Variants in PPP2R3A observed in about 807,000 individuals in gnomAD.
PPP2R3A encodes the protein protein phosphatase 2 regulatory subunit B''alpha.
PPP2R3A carries 80 observed loss-of-function variants against 106.9 expected under a neutral mutation model. The ratio of observed to expected loss-of-function variants is 0.75; its 90% confidence interval spans 0.62 to 0.90. The LOEUF (loss-of-function observed/expected upper bound fraction) is 0.90, where lower values mean the gene tolerates loss of function less well. Among genes scored for constraint, PPP2R3A ranks in the 40% least tolerant of loss-of-function variants. PPP2R3A has a pLI of 0.00. For synonymous variants in PPP2R3A, 483 were observed against 468.3 expected (o/e 1.03, Z -0.41); for missense variants, 1,386 against 1,350.4 (o/e 1.03, Z -0.41).
chr3:136,051,082 T>G (rs1194716843), intron 5 of PPP2R3A, among the ~76,000 whole-genome samples: 1 of 152,224 alleles, frequency 6.6e-6, no homozygotes, highest in African/African-American at 2.4e-5. Context: ...TACTATAGCA[T>G]TCTTCATAGC....
intron 13 of PPP2R3A, among the ~76,000 whole-genome samples, chr3:136,143,888 T>C (rs974796980): frequency 2.0e-5 from 3 of 152,200 alleles, no homozygotes; most frequent in Non-Finnish European, 4.4e-5. Flanking sequence ...TTGGCCCCAA[T>C]TGGTACCTTT....
chr3:136,039,278 T>C (rs962242269), intron 3 of PPP2R3A, among the ~76,000 whole-genome samples: 1 of 152,220 alleles, frequency 6.6e-6, no homozygotes, highest in African/African-American at 2.4e-5. Flanking sequence ...TAATAACATA[T>C]TTATCTCATA....
intron 6 of PPP2R3A, among the ~76,000 whole-genome samples, chr3:136,077,497 AC>A (rs200210870): frequency 1.4e-4 from 7 of 50,540 alleles, no homozygotes; most frequent in Non-Finnish European, 1.6e-4. Flanking sequence ...AGCAGAATGC[AC>A]CCCCCCACCC....
At position 135,992,948 on chromosome 3, in the gene PPP2R3A, A is replaced by G. The variant is rs368108656; in HGVS notation, c.-440-8111A>G. On this transcript the variant is annotated intron_variant, in intron 1 of 13. Coordinates refer to ENST00000264977, the MANE Select transcript of PPP2R3A (RefSeq NM_002718.5). ...AGGGCAGGTGGAGAACCAGCCAAAT[A>G]TGTCCCAGGAGTCAAGTGAGGGAAG... 7.9e-5 allele frequency among the ~76,000 whole-genome samples: 12 copies of G among 152,318 alleles called. No individual in the cohort carries two copies. The East Asian group carries it at 1.7e-3, about 22-fold the overall frequency.
At chr3:136,090,741 A>G in intron 10 of PPP2R3A, 74 bp downstream of exon 10, 1 of 1,236,232 alleles carries the variant, frequency 8.1e-7, no homozygotes, top group Non-Finnish European at 1.2e-6. Context: ...GGTGTATATT[A>G]TACCTAGTGA....
chr3:136,099,932 A>G (rs915383417), intron 10 of PPP2R3A, among the ~76,000 whole-genome samples: 4 of 151,816 alleles, frequency 2.6e-5, no homozygotes, highest in East Asian at 3.9e-4. Flanking sequence ...AAAAAAAAAA[A>G]AGAGAAGGAG....
intron 13 of PPP2R3A, among the ~76,000 whole-genome samples, chr3:136,117,670 C>A (rs1274238394): frequency 6.6e-6 from 1 of 152,182 alleles, no homozygotes; most frequent in Non-Finnish European, 1.5e-5. Flanking sequence ...CCTCCCAAGT[C>A]TAAACCAGGA....
At chr3:136,063,198 T>G (rs1936141151) in intron 5 of PPP2R3A, among the ~76,000 whole-genome samples, 1 of 152,188 alleles carries the variant, frequency 6.6e-6, no homozygotes, top group African/African-American at 2.4e-5. Context: ...TAAATGGTGC[T>G]GGGAAAACTG....
At chr3:136,101,856 G>A in intron 10 of PPP2R3A, 151 bp from the exon 11 acceptor site, 1 of 851,980 alleles carries the variant, frequency 1.2e-6, no homozygotes, top group Non-Finnish European at 1.7e-6. Flanking sequence ...GGAAGAAGGG[G>A]TCCGCCATTT....
At chr3:135,971,541 A>T (rs1317707911) in intron 1 of PPP2R3A, among the ~76,000 whole-genome samples, 1 of 152,214 alleles carries the variant, frequency 6.6e-6, no homozygotes, top group Non-Finnish European at 1.5e-5. Context: ...TTGGTTAAGA[A>T]TGGTTTTGAT....
intron 5 of PPP2R3A, among the ~76,000 whole-genome samples, chr3:136,061,521 G>A (rs187713042): frequency 3.9e-5 from 6 of 152,236 alleles, no homozygotes; most frequent in South Asian, 2.1e-4. Context: ...CCAGCTAATC[G>A]GGAGGCTGAG....
At chr3:136,129,730 G>A (rs2108014837) in intron 13 of PPP2R3A, among the ~76,000 whole-genome samples, 1 of 152,226 alleles carries the variant, frequency 6.6e-6, no homozygotes, top group East Asian at 1.9e-4. Context: ...AGAATTTCCG[G>A]CCAGTATCCC....
intron 4 of PPP2R3A, among the ~76,000 whole-genome samples, chr3:136,048,601 G>T (rs932610294): frequency 1.3e-5 from 2 of 152,046 alleles, no homozygotes; most frequent in Non-Finnish European, 2.9e-5. Flanking sequence ...GAACCCAGGA[G>T]GTGGAGGCTG....
intron 3 of PPP2R3A, among the ~76,000 whole-genome samples, chr3:136,031,972 G>T (rs1934906645): frequency 6.6e-6 from 1 of 152,148 alleles, no homozygotes; most frequent in African/African-American, 2.4e-5. Context: ...GCTTAGTCTT[G>T]CGTTGGCCAT....
rs930955784 is a variant in PPP2R3A at position 135,977,803 on chromosome 3, G to A, written c.-441+11954G>A. Among the ~76,000 whole-genome samples the A allele has an allele frequency of 3.4e-5, 5 of 145,982 alleles. No individual in the cohort carries two copies. In the East Asian group the frequency reaches 8.2e-4, roughly 24 times the overall value. On this transcript the variant is annotated intron_variant, in intron 1 of 13. Transcript: ENST00000264977. ...CGACCTCCGCTTCCCGGGCTCAAGCGATTCTCCAGCCTCGGTCTCCCGAGT... is the reference window on the plus strand; with the variant it reads ...CGACCTCCGCTTCCCGGGCTCAAGCAATTCTCCAGCCTCGGTCTCCCGAGT...
In PPP2R3A at chr3:136,067,529, A is replaced by G. The variant is rs575456227; in HGVS notation, c.2470-2949A>G. Among the ~76,000 whole-genome samples, 48 of 152,334 alleles carry G rather than the reference A, an allele frequency of 3.2e-4. 1 individual carries two copies. In the Middle Eastern group the frequency reaches 0.027, roughly 86 times the overall value. ...TTTAGGAGACAGAGCCTAAGGGTCT[A>G]AGAGAACCAAGGTGACTAGAATTCT... On this transcript the variant is annotated intron_variant, in intron 5 of 13. Transcript: ENST00000264977.
intron 1 of PPP2R3A, 37 bp from the exon 2 acceptor site, chr3:136,001,022 T>TA: frequency 2.5e-6 from 1 of 392,836 alleles, no homozygotes. Context: ...GTTCCAGCAT[T>TA]AAAAAAATTT....
At chr3:136,135,899 G>A (rs146821026) in intron 13 of PPP2R3A, among the ~76,000 whole-genome samples, 146 of 151,654 alleles carry the variant, frequency 9.6e-4, no homozygotes, top group Middle Eastern at 3.4e-3. Flanking sequence ...TTAGCTGGGC[G>A]TGGTGATGTG....
In PPP2R3A at chr3:136,022,989, G is replaced by A. The variant is rs1934517191; in HGVS notation, c.1996-3843G>A. ...AAGAAGAAAAAATACCTTCCTACCT[G>A]ACAAGATTGACAACTTGCTAAATCT... is the stretch of plus-strand genomic sequence containing the variant. On this transcript the variant is annotated intron_variant, in intron 2 of 13. Transcript: ENST00000264977. The A allele has an allele frequency of 3.8e-6, 6 of 1,581,824 alleles. No individual in the cohort carries two copies. The Admixed American group carries it at 1.0e-4, about 26-fold the overall frequency.
Sources: allele counts gnomAD v4.1 joint callset (sites outside exome capture counted in the v4.1 genomes callset), GRCh38; gene constraint gnomAD v4.1.1; transcripts MANE v1.5; gene names NCBI Gene and HGNC (gene_info 2026-07-23, HGNC 2026-07-21).